The following CSMD3 variants were observed in gnomAD, a reference collection of about 807,000 sequenced individuals.
CSMD3 encodes CUB and sushi domain-containing protein 3.
CSMD3 carries 177 observed loss-of-function variants against 435.2 expected under a neutral mutation model. That is an observed-to-expected ratio of 0.41 (90% confidence interval 0.36 to 0.46). The LOEUF (loss-of-function observed/expected upper bound fraction) is 0.46, where lower values mean the gene tolerates loss of function less well. CSMD3 is among the 20% of genes least tolerant of loss of function. CSMD3 has a pLI of 0.34. For synonymous variants in CSMD3, 1,656 were observed against 1,520.5 expected (o/e 1.09, Z -2.07); for missense variants, 4,265 against 4,504.6 (o/e 0.95, Z 1.52).
intron 18 of CSMD3, among the ~76,000 whole-genome samples, chr8:112,651,796 A>G (rs1366202498): frequency 1.3e-5 from 2 of 151,878 alleles, no homozygotes; most frequent in African/African-American, 4.8e-5. Flanking sequence ...TCAGTCTTCC[A>G]AAGTGCTGGG....
At chr8:112,498,721 C>CTTCTTTCTTTCTTTTCTTTCTTTT (rs1436878856) in intron 30 of CSMD3, among the ~76,000 whole-genome samples, 1 of 151,950 alleles carries the variant, frequency 6.6e-6, no homozygotes, top group East Asian at 1.9e-4. Flanking sequence ...TTCTTTCTTT[C>CTTCTTTCTTTCTTTTCTTTCTTTT]TTCTTTCTTT....
At chr8:113,301,499 G>T (rs2093767419) in intron 2 of CSMD3, among the ~76,000 whole-genome samples, 1 of 151,698 alleles carries the variant, frequency 6.6e-6, no homozygotes, top group African/African-American at 2.4e-5. Flanking sequence ...ACCTTAAAAT[G>T]AATGAAATGA....
rs551393395 is a variant in CSMD3, at chr8:112,776,182, A to G, written c.1972+23980T>C. Among the ~76,000 whole-genome samples the G allele has an allele frequency of 1.6e-4, 25 of 151,958 alleles. No individual in the cohort carries two copies. In the South Asian group the frequency reaches 2.5e-3, roughly 15 times the overall value. On this transcript the variant is annotated intron_variant, in intron 13 of 70. Transcript: ENST00000297405. ...CCATGGGAAACATAACAGCCGTATC[A>G]CCTGTATATGCACAATAACCATAAT... is the stretch of plus-strand genomic sequence containing the variant.
chr8:112,526,280 A>G (rs1057013764), intron 27 of CSMD3, among the ~76,000 whole-genome samples: 2 of 152,064 alleles, frequency 1.3e-5, no homozygotes, highest in Non-Finnish European at 2.9e-5. Flanking sequence ...TATTTGCAAA[A>G]TAGTACTTCA....
At chr8:112,939,462 C>T (rs1407299852) in intron 9 of CSMD3, among the ~76,000 whole-genome samples, 2 of 151,796 alleles carry the variant, frequency 1.3e-5, no homozygotes, top group Non-Finnish European at 2.9e-5. Flanking sequence ...TTGGTGCCAC[C>T]CTTTCCATTT....
chr8:113,158,906 T>C (rs1311288374), intron 4 of CSMD3, among the ~76,000 whole-genome samples: 1 of 151,864 alleles, frequency 6.6e-6, no homozygotes, highest in Admixed American at 6.6e-5. Flanking sequence ...ACGGAAAAAA[T>C]AAACAAGACG....
intron 3 of CSMD3, among the ~76,000 whole-genome samples, chr8:113,195,344 AC>A (rs2092639278): frequency 6.7e-6 from 1 of 150,232 alleles, no homozygotes; most frequent in South Asian, 2.1e-4. Context: ...GAGATCTAGA[AC>A]CCTTGGTATT....
Position 113,120,534 on chromosome 8 carries a change from A to G in CSMD3, c.710-21571T>C, listed in dbSNP as rs369693746. ...AATGATTTATGCTACAAATAAAAGT[A>G]AGCAGCGTTTTATGTATTTAGTAGA... On this transcript the variant is annotated intron_variant, in intron 4 of 70. Coordinates refer to ENST00000297405, the MANE Select transcript of CSMD3 (RefSeq NM_198123.2). 4.4e-4 allele frequency among the ~76,000 whole-genome samples: 67 copies of G among 152,340 alleles called. 2 individuals are homozygous for G. In the South Asian group the frequency reaches 0.013, roughly 31 times the overall value.
chr8:112,449,522 G>T lies in CSMD3; in HGVS notation c.5395+23069C>A, dbSNP rs539644451. Among the ~76,000 whole-genome samples the T allele has an allele frequency of 7.2e-4, 110 of 152,196 alleles. 1 individual carries two copies. The highest frequency in any genetic ancestry group is 2.5e-3 in the African/African-American group (105 of 41,538). ...CAGAGAATATGCGCCGAGTGCTATG[G>T]TTTTATCTGTGGATACAGAATCACC... On this transcript the variant is annotated intron_variant, in intron 32 of 70. Transcript: ENST00000297405.
At chr8:113,190,928 T>C (rs2092575672) in intron 3 of CSMD3, among the ~76,000 whole-genome samples, 1 of 151,870 alleles carries the variant, frequency 6.6e-6, no homozygotes, top group South Asian at 2.1e-4. Context: ...GCCAATTGTT[T>C]AAATCTCTTT....
intron 22 of CSMD3, among the ~76,000 whole-genome samples, chr8:112,616,208 A>G (rs1833649162): frequency 6.6e-6 from 1 of 152,052 alleles, no homozygotes; most frequent in South Asian, 2.1e-4. Flanking sequence ...TGTAGATTAA[A>G]TAAGTTAGCA....
intron 38 of CSMD3, among the ~76,000 whole-genome samples, chr8:112,356,349 C>T (rs1297130738): frequency 2.0e-5 from 3 of 152,076 alleles, no homozygotes; most frequent in African/African-American, 7.2e-5. Flanking sequence ...AAATCATGTC[C>T]TTTGCAGGAA....
chr8:112,362,087 C>T lies in CSMD3; in HGVS notation c.6137-9553G>A, dbSNP rs551199013. Among the ~76,000 whole-genome samples the T allele has an allele frequency of 1.3e-4, 20 of 151,946 alleles. No individual in the cohort carries two copies. In the South Asian group the frequency reaches 3.1e-3, roughly 24 times the overall value. On this transcript the variant is annotated intron_variant, in intron 38 of 70. Transcript: ENST00000297405. ...AATGTAGACATTTGTGGTAATCAAA[C>T]GGTGAACCCAATATGAGTTGGTGTA...
chr8:113,355,521 A>G (rs967730046), intron 1 of CSMD3, among the ~76,000 whole-genome samples: 1 of 151,466 alleles, frequency 6.6e-6, no homozygotes, highest in Admixed American at 6.6e-5. Context: ...AAGGGCAATT[A>G]TATTACCACA....
intron 13 of CSMD3, among the ~76,000 whole-genome samples, chr8:112,730,842 T>C (rs1216379957): frequency 6.6e-6 from 1 of 152,070 alleles, no homozygotes; most frequent in East Asian, 1.9e-4. Context: ...GAAGTGGGTG[T>C]ACTATTTCCA....
chr8:112,351,129 T>A, intron 40 of CSMD3, 46 bp downstream of exon 40: 2 of 1,157,112 alleles, frequency 1.7e-6, no homozygotes, highest in Non-Finnish European at 2.6e-6. Flanking sequence ...TCTTTTTTTT[T>A]ACACTTTAAG....
At chr8:113,380,845 A>G (rs2094412034) in intron 1 of CSMD3, among the ~76,000 whole-genome samples, 1 of 152,104 alleles carries the variant, frequency 6.6e-6, no homozygotes, top group South Asian at 2.1e-4. Flanking sequence ...AGAATATGTG[A>G]TGTGGCCAGA....
intron 7 of CSMD3, among the ~76,000 whole-genome samples, chr8:112,972,744 A>T (rs116929631): frequency 0.034 from 5,187 of 152,000 alleles, 116 homozygotes; most frequent in Middle Eastern, 0.061. Context: ...ACTATTTTTT[A>T]AAAAATATCT....
intron 10 of CSMD3, among the ~76,000 whole-genome samples, chr8:112,911,293 C>T (rs2082403970): frequency 6.6e-6 from 1 of 151,700 alleles, no homozygotes; most frequent in Non-Finnish European, 1.5e-5. Flanking sequence ...ATACAATTGA[C>T]AAATAAAAAA....
Sources: allele counts gnomAD v4.1 joint callset (sites outside exome capture counted in the v4.1 genomes callset), GRCh38; gene constraint gnomAD v4.1.1; transcripts MANE v1.5; gene names NCBI Gene and HGNC (gene_info 2026-07-23, HGNC 2026-07-21).